Variants in MUC4 observed in about 807,000 individuals in gnomAD.
MUC4 encodes mucin-4.
A neutral mutation model predicts 257.9 loss-of-function variants in MUC4; 202 were observed. The ratio of observed to expected loss-of-function variants is 0.78; its 90% confidence interval spans 0.70 to 0.88. The LOEUF (loss-of-function observed/expected upper bound fraction) is 0.88, where lower values mean the gene tolerates loss of function less well. Ranked by LOEUF, MUC4 falls within the 40% of genes least tolerant of loss-of-function variation. The pLI is 0.00. For synonymous variants in MUC4, 2,351 were observed against 2,757.1 expected (o/e 0.85, Z 4.62); for missense variants, 5,976 against 6,513.7 (o/e 0.92, Z 2.84).
Position 195,770,274 on chromosome 3 carries a change from C to T in MUC4, c.13340G>A (p.Trp4447Ter), listed in dbSNP as rs749119610. ...MTNNGGYKAR[W>*]ALKVTWVNAH... Reference sequence around the variant, plus strand: ...ATTGACCCACGTGACCTTTAGGGCCCACCTGGCCTTGTAGCCCCCGTTGTT... The same window carrying T: ...ATTGACCCACGTGACCTTTAGGGCCTACCTGGCCTTGTAGCCCCCGTTGTT... The change falls in exon 6 of 25, where the codon TGG (tryptophan) becomes TAG (stop). Residue 4447 changes from tryptophan (W) to a stop codon, truncating the protein, a stop_gained. Coordinates refer to ENST00000463781, the MANE Select transcript of MUC4 (RefSeq NM_018406.7). LOFTEE classifies it high-confidence loss of function. The T allele has an allele frequency of 3.7e-6, 6 of 1,613,994 alleles. No homozygotes were observed. Among genetic ancestry groups the T allele is most frequent in the Non-Finnish European group, 5.1e-6 (6 of 1,179,972 alleles).
intron 15 of MUC4, 74 bp from the exon 16 acceptor site, chr3:195,761,191 C>T: frequency 7.1e-7 from 1 of 1,408,778 alleles, no homozygotes; most frequent in Non-Finnish European, 1.0e-6. Flanking sequence ...CTCTACCCCT[C>T]ACTTTAGATG....
chr3:195,775,187 C>T (rs1002192732), intron 3 of MUC4, among the ~76,000 whole-genome samples: 2 of 152,104 alleles, frequency 1.3e-5, no homozygotes, highest in Admixed American at 1.3e-4. Flanking sequence ...CGGACCGCTC[C>T]AGGCACCACT....
chr3:195,783,285 G>GGTGACAGGAAGAGGGGTGGCC lies in MUC4; in HGVS notation c.8294_8295insGGCCACCCCTCTTCCTGTCAC (p.His2765delinsGlnAlaThrProLeuProValThr), dbSNP rs1729316084. On this transcript the variant is annotated protein_altering_variant, in exon 2 of 25. Coordinates refer to ENST00000463781, the MANE Select transcript of MUC4 (RefSeq NM_018406.7). ...TGTTGGTGACAGGAAGAGGGGTGGC[G>GGTGACAGGAAGAGGGGTGGCC]TGACCTGTGGATGCTGAGGAAGTGT... 1 of 1,302,314 alleles carries GGTGACAGGAAGAGGGGTGGCC rather than the reference G, an allele frequency of 7.7e-7. No homozygotes were observed. The highest frequency in any genetic ancestry group is 2.0e-5 in the African/African-American group (1 of 51,270). The allele number at this position is 1,302,314 out of a possible 1,614,324, so 80.7% of individuals were successfully genotyped here. A position where few individuals can be genotyped will look rare whatever the true frequency, so the allele number is the denominator to read the frequency against.
In MUC4 at chr3:195,766,688, A is replaced by G. The variant is rs777107974; in HGVS notation, c.13593T>C (p.Pro4531=). 1 of 1,614,168 alleles carries G rather than the reference A, an allele frequency of 6.2e-7. No homozygotes were observed. Among genetic ancestry groups the G allele is most frequent in the East Asian group, 2.2e-5 (1 of 44,886 alleles). The change falls in exon 8 of 25, where the codon CCT becomes CCC. Residue 4531 remains proline (P), a synonymous_variant. Coordinates refer to ENST00000463781, the MANE Select transcript of MUC4 (RefSeq NM_018406.7). ...CTGAGTTGGAATTCAGGAATCTATC[A>G]GGGCGATACCTCTCCCACACTGGCT... ...MSQPVWERYR[P]DRFLNSNSGL... is the part of the protein sequence containing the mutation.
chr3:195,748,031 C>T (rs1715459664), intron 24 of MUC4, among the ~76,000 whole-genome samples: 2 of 152,156 alleles, frequency 1.3e-5, no homozygotes, highest in Admixed American at 1.3e-4. Flanking sequence ...ACCCGCGCTC[C>T]GCCCGCCCCC....
chr3:195,804,705 C>T (rs761110029), intron 1 of MUC4, among the ~76,000 whole-genome samples: 28 of 152,240 alleles, frequency 1.8e-4, no homozygotes, highest in Non-Finnish European at 3.7e-4. Flanking sequence ...GTAAGGATGG[C>T]CTTGAGGAGA....
chr3:195,773,424 C>CCT (rs761867824), intron 4 of MUC4, among the ~76,000 whole-genome samples: 7 of 150,656 alleles, frequency 4.6e-5, no homozygotes, highest in African/African-American at 1.7e-4. Context: ...GGGGTGGAAA[C>CCT]CTCTCTCTCA....
chr3:195,793,930 C>CT (rs1202160668), intron 1 of MUC4, among the ~76,000 whole-genome samples: 1 of 152,032 alleles, frequency 6.6e-6, no homozygotes, highest in Non-Finnish European at 1.5e-5. Context: ...ACCATAACCA[C>CT]TTTTTAAAAA....
rs897641322 is a variant in MUC4, at chr3:195,780,357, G to C, written c.11223C>G (p.His3741Gln). 5,270 of 731,630 alleles carry C rather than the reference G, an allele frequency of 7.2e-3. 33 individuals carry two copies. Among genetic ancestry groups the C allele is most frequent in the Non-Finnish European group, 9.1e-3 (4,449 of 490,044 alleles). 45.3% of individuals were successfully genotyped at this position (731,630 alleles called of 1,614,324 possible). A position where few individuals can be genotyped will look rare whatever the true frequency, so the allele number is the denominator to read the frequency against. The stretch of plus-strand genomic sequence containing the variant: ...TGCTGGTGACAGGAAGAGGGGTGAC[G>C]TGACCTGTGGATGCTGAGGAAGGGC... ...VTSPSSASTGHVTPLPVTSTS... is the reference protein window; with the variant it reads ...VTSPSSASTGQVTPLPVTSTS... Residue 3741 changes from histidine (H) to glutamine (Q), a missense_variant, in exon 2 of 25, where the codon CAC (histidine) becomes CAG (glutamine). His to Gln is a conservative substitution (Grantham distance 24). Transcript: ENST00000463781.
chr3:195,749,154 A>G (rs1358423201), intron 23 of MUC4, 90 bp from the exon 24 acceptor site: 51 of 1,480,490 alleles, frequency 3.4e-5, no homozygotes, highest in Non-Finnish European at 4.7e-5. Context: ...TCGGGTGTTT[A>G]TCCTGAGAAA....
In MUC4 at chr3:195,754,370, C is replaced by T; in HGVS notation, c.15171G>A (p.Val5057=). 6.2e-7 allele frequency: 1 copy of T among 1,606,034 alleles called. No homozygotes were observed. The highest frequency in any genetic ancestry group is 8.5e-7 in the Non-Finnish European group (1 of 1,176,218). The part of the protein sequence containing the change: ...TSRVGNSSLE[V]AGCKCDGGTF... ...TGCCCCCGTCACACTTGCAGCCAGC[C>T]ACCTGGAGGAGGGTTGCCGATCACG... is the stretch of plus-strand genomic sequence containing the variant. The change falls in exon 19 of 25, where the codon GTG becomes GTA. Residue 5057 remains valine (V), a splice_region_variant and synonymous_variant. Coordinates refer to ENST00000463781, the MANE Select transcript of MUC4 (RefSeq NM_018406.7).
rs1291932680 is a variant in MUC4 at position 195,781,169 on chromosome 3, T to C, written c.10411A>G (p.Thr3471Ala). Residue 3471 changes from threonine (T) to alanine (A), a missense_variant, in exon 2 of 25, where the codon ACC becomes GCC. Coordinates refer to ENST00000463781, the MANE Select transcript of MUC4 (RefSeq NM_018406.7). Reference sequence around the variant, plus strand: ...GAAGGGCTGGTGACAGGAAGAGGGGTGGTGTCACCTGTGGATGCTGAGGAA... The same window carrying C: ...GAAGGGCTGGTGACAGGAAGAGGGGCGGTGTCACCTGTGGATGCTGAGGAA... ...DTSSASTGDT[T>A]PLPVTSPSSA... 5.4e-6 allele frequency: 8 copies of C among 1,488,602 alleles called. No individual in the cohort carries two copies. Among genetic ancestry groups the C allele is most frequent in the Non-Finnish European group, 7.2e-6 (8 of 1,115,724 alleles). The allele number at this position is 1,488,602 out of a possible 1,614,324, so 92.2% of individuals were successfully genotyped here.
chr3:195,774,146 C>G (rs376077755), intron 4 of MUC4, 26 bp downstream of exon 4: 7 of 1,581,128 alleles, frequency 4.4e-6, no homozygotes, highest in Non-Finnish European at 5.1e-6. Flanking sequence ...GGAGTTCAGG[C>G]TGCGCGGGCC....
In MUC4 at chr3:195,789,366, A is replaced by G. The variant is rs371515314; in HGVS notation, c.2214T>C (p.Leu738=). The G allele has an allele frequency of 1.2e-4, 193 of 1,613,754 alleles. No homozygotes were observed. The highest frequency in any genetic ancestry group is 1.6e-4 in the Non-Finnish European group (186 of 1,179,880). ...TTGACACTACAGAGTTGGCCAGAGT[A>G]AGGGCACCTGTTTTGGAAAGTGACG... is the stretch of plus-strand genomic sequence containing the variant. ...GGTSLSKTGA[L]TLANSVVSTP... is the part of the protein sequence containing the mutation. The change falls in exon 2 of 25, where the codon CTT becomes CTC. Residue 738 remains leucine (L), a synonymous_variant. Coordinates refer to ENST00000463781, the MANE Select transcript of MUC4 (RefSeq NM_018406.7).
rs762230926 is a variant in MUC4, at chr3:195,763,525, G to A, written c.14161C>T (p.Gln4721Ter). The change falls in exon 12 of 25, where the codon CAG becomes TAG. Residue 4721 changes from glutamine to a stop codon, truncating the protein, a stop_gained. Coordinates refer to ENST00000463781, the MANE Select transcript of MUC4 (RefSeq NM_018406.7). LOFTEE classifies it high-confidence loss of function. ...AQDGNSSFLL[Q>*]GRTAQTGSAQ... The stretch of plus-strand genomic sequence containing the variant: ...GAGCCAGTCTGGGCGGTGCGGCCCT[G>A]AAGCAGGAAGGAGGAGTTCCCGTCT... 6.3e-7 allele frequency: 1 copy of A among 1,576,572 alleles called. No homozygotes were observed. Among genetic ancestry groups the A allele is most frequent in the Non-Finnish European group, 8.6e-7 (1 of 1,160,144 alleles).
Position 195,785,912 on chromosome 3 carries a change from G to C in MUC4, c.5668C>G (p.Pro1890Ala). 6.7e-7 allele frequency: 1 copy of C among 1,503,454 alleles called. No individual in the cohort carries two copies. Among genetic ancestry groups the C allele is most frequent in the Non-Finnish European group, 8.9e-7 (1 of 1,118,984 alleles). The allele number at this position is 1,503,454 out of a possible 1,614,324, so 93.1% of individuals were successfully genotyped here. ...GATGCTGAGTTAGTGTCGGTGACAG[G>C]AAGAGGGGTGGTGTCACCTGTGGAT... ...SVSTGDTTPL[P>A]VTDTNSASTG... The change falls in exon 2 of 25, where the codon CCT becomes GCT. Residue 1890 changes from proline (P) to alanine (A), a missense_variant. Physicochemically the swap from Pro to Ala is conservative, Grantham distance 27. Transcript: ENST00000463781.
chr3:195,799,028 G>A lies in MUC4; in HGVS notation c.83-7531C>T, dbSNP rs535546219. Among the ~76,000 whole-genome samples the A allele has an allele frequency of 4.4e-4, 67 of 152,210 alleles. No individual in the cohort carries two copies. The South Asian group carries it at 5.6e-3, about 13-fold the overall frequency. On this transcript the variant is annotated intron_variant, in intron 1 of 24. Coordinates refer to ENST00000463781, the MANE Select transcript of MUC4 (RefSeq NM_018406.7). Reference sequence around the variant, plus strand: ...CAAAGCCACTCCCCCAACTGGAAGCGTTGTTACCCTTCCCATTTTCTGTTA... The same window carrying A: ...CAAAGCCACTCCCCCAACTGGAAGCATTGTTACCCTTCCCATTTTCTGTTA...
intron 1 of MUC4, among the ~76,000 whole-genome samples, chr3:195,807,296 C>T (rs1478536496): frequency 6.6e-6 from 1 of 152,126 alleles, no homozygotes; most frequent in African/African-American, 2.4e-5. Flanking sequence ...TGGTGAAACC[C>T]CATCTCTACT....
intron 1 of MUC4, among the ~76,000 whole-genome samples, chr3:195,796,805 A>C (rs1447425561): frequency 1.3e-5 from 2 of 152,248 alleles, no homozygotes; most frequent in Non-Finnish European, 2.9e-5. Flanking sequence ...ATACAAACAT[A>C]TTCAGAGTTT....
Sources: gnomAD v4.1 joint callset for allele counts (sites outside exome capture counted in the v4.1 genomes callset) on GRCh38, gnomAD v4.1.1 for gene constraint, MANE v1.5 for transcripts, NCBI Gene and HGNC (gene_info 2026-07-23, HGNC 2026-07-21) for gene names.